RARB: variants seen among roughly 807,000 people sequenced by gnomAD.
The protein encoded by RARB is retinoic acid receptor beta.
In RARB, 17 loss-of-function variants were observed where a neutral mutation model predicts 51.9. The ratio of observed to expected loss-of-function variants is 0.33; its 90% CI spans 0.22 to 0.49. RARB has a LOEUF of 0.49. Among genes scored for constraint, RARB ranks in the 20% least tolerant of loss-of-function variants. The probability of loss-of-function intolerance (pLI) is 0.99; values close to 1 mark genes in which losing one functional copy is unlikely to be tolerated. For missense variants in RARB, 369 were observed against 550.8 expected (o/e 0.67, Z 3.30); for synonymous variants, 215 against 195.4 (o/e 1.10, Z -0.84).
intron 2 of RARB, among the ~76,000 whole-genome samples, chr3:24,977,951 T>G (rs1479879992): frequency 3.9e-5 from 6 of 152,214 alleles, no homozygotes; most frequent in African/African-American, 7.2e-5. Context: ...TTATTGAGAA[T>G]TTTTAGCATG....
intron 2 of RARB, among the ~76,000 whole-genome samples, chr3:25,007,329 C>T (rs540821128): frequency 6.6e-6 from 1 of 152,028 alleles, no homozygotes; most frequent in Admixed American, 6.6e-5. Flanking sequence ...TGCTAGCTAC[C>T]AAAACCACAC....
intron 5 of RARB, among the ~76,000 whole-genome samples, chr3:25,323,435 A>G (rs894477464): frequency 6.6e-6 from 1 of 152,236 alleles, no homozygotes; most frequent in Non-Finnish European, 1.5e-5. Flanking sequence ...GTGCCCTAAC[A>G]TTCATACGCA....
chr3:24,878,256 A>G (rs1703087048), intron 2 of RARB, among the ~76,000 whole-genome samples: 1 of 146,526 alleles, frequency 6.8e-6, no homozygotes, highest in Non-Finnish European at 1.5e-5. Context: ...CTCTTCCATC[A>G]TTTTTTTAAA....
chr3:25,304,551 C>G (rs1246292341), intron 5 of RARB, among the ~76,000 whole-genome samples: 1 of 151,468 alleles, frequency 6.6e-6, no homozygotes, highest in Non-Finnish European at 1.5e-5. Flanking sequence ...TAATCTTTGA[C>G]TCTTCTTTCA....
chr3:25,146,499 GTTTGTTTGTTTGTTT>G lies in RARB; in HGVS notation c.-280+14295_-280+14309del, dbSNP rs1254039700. ...CAGGCTATAATTTGCTAAGTTTTTT[GTTTGTTTGTTTGTTT>G]TTTTTTTTTTGAGACAAGAGTCTCG... On this transcript the variant is annotated intron_variant, in intron 4 of 11. Transcript: ENST00000383772. 2.9e-5 allele frequency among the ~76,000 whole-genome samples: 3 copies of G among 104,384 alleles called. 1 individual carries two copies. The highest frequency in any genetic ancestry group is 1.2e-4 in the Admixed American group (1 of 8,516). 68.5% of individuals were successfully genotyped at this position (104,384 alleles called of 152,430 possible). A position where few individuals can be genotyped will look rare whatever the true frequency, so the allele number is the denominator to read the frequency against.
intron 5 of RARB, among the ~76,000 whole-genome samples, chr3:25,316,752 C>A (rs920379804): frequency 1.3e-5 from 2 of 152,198 alleles, no homozygotes; most frequent in Non-Finnish European, 2.9e-5. Context: ...ACAAATATGA[C>A]AATGACGAGA....
chr3:25,191,069 G>A (rs1272482628), intron 5 of RARB, among the ~76,000 whole-genome samples: 1 of 152,118 alleles, frequency 6.6e-6, no homozygotes, highest in Non-Finnish European at 1.5e-5. Flanking sequence ...GTTATTGGGA[G>A]GCTGTCAGCA....
At chr3:25,323,601 T>C (rs1208662832) in intron 5 of RARB, among the ~76,000 whole-genome samples, 5 of 152,216 alleles carry the variant, frequency 3.3e-5, no homozygotes, top group African/African-American at 1.2e-4. Flanking sequence ...CTTTGGCTTG[T>C]ATATTTCATC....
chr3:25,136,060 C>G (rs929581027), intron 4 of RARB, among the ~76,000 whole-genome samples: 2 of 151,982 alleles, frequency 1.3e-5, no homozygotes, highest in African/African-American at 4.8e-5. Context: ...CTTCTTGGGT[C>G]TAGCAGCACT....
At chr3:25,130,929 C>CAATATT (rs1646174758) in intron 3 of RARB, among the ~76,000 whole-genome samples, 3 of 29,966 alleles carry the variant, frequency 1.0e-4, no homozygotes, top group Non-Finnish European at 2.0e-4. Flanking sequence ...CAATATTTAT[C>CAATATT]ATTGATAATA....
At chr3:25,042,283 T>C (rs1698129492) in intron 2 of RARB, among the ~76,000 whole-genome samples, 1 of 152,238 alleles carries the variant, frequency 6.6e-6, no homozygotes, top group Non-Finnish European at 1.5e-5. Flanking sequence ...GGTCTACTAA[T>C]TAAACAGATA....
At chr3:25,090,266 G>A (rs2125316482) in intron 3 of RARB, among the ~76,000 whole-genome samples, 1 of 152,068 alleles carries the variant, frequency 6.6e-6, no homozygotes, top group South Asian at 2.1e-4. Context: ...TAAGTTCTTG[G>A]GAAAAATAAG....
chr3:25,380,295 C>T (rs1706586950), intron 5 of RARB, among the ~76,000 whole-genome samples: 2 of 152,146 alleles, frequency 1.3e-5, no homozygotes, highest in Non-Finnish European at 1.5e-5. Flanking sequence ...ATCCTCTTTC[C>T]CACTCCGTAC....
At chr3:25,345,478 A>G (rs1283857426) in intron 5 of RARB, among the ~76,000 whole-genome samples, 4 of 152,058 alleles carry the variant, frequency 2.6e-5, no homozygotes, top group African/African-American at 9.7e-5. Flanking sequence ...CAGCCTGGCC[A>G]ATATGGTGAA....
At chr3:25,187,737 G>A (rs1270366504) in intron 5 of RARB, among the ~76,000 whole-genome samples, 1 of 152,032 alleles carries the variant, frequency 6.6e-6, no homozygotes, top group Non-Finnish European at 1.5e-5. Context: ...CTCAGATACA[G>A]CCTTGTTGTG....
At position 24,919,193 on chromosome 3, in the gene RARB, G is replaced by A. The variant is rs142457327; in HGVS notation, c.-380+60441G>A. Among the ~76,000 whole-genome samples, 855 of 152,292 alleles carry A rather than the reference G, an allele frequency of 5.6e-3. 4 individuals are homozygous for A. The highest frequency in any genetic ancestry group is 0.024 in the Middle Eastern group (7 of 294). The stretch of plus-strand genomic sequence containing the variant: ...CTACTACTATGATAATAATGATCTA[G>A]AGGCATTGACCATAATATTTCACTA... On this transcript the variant is annotated intron_variant, in intron 2 of 11. Transcript: ENST00000383772.
At chr3:24,886,121 C>A (rs1703261198) in intron 2 of RARB, among the ~76,000 whole-genome samples, 1 of 152,140 alleles carries the variant, frequency 6.6e-6, no homozygotes, top group East Asian at 1.9e-4. Context: ...GTAGAATATT[C>A]CCTGCTAACC....
chr3:24,928,454 C>T (rs1208936910), intron 2 of RARB, among the ~76,000 whole-genome samples: 2 of 151,966 alleles, frequency 1.3e-5, no homozygotes, highest in African/African-American at 2.4e-5. Flanking sequence ...ACTCTACCTC[C>T]TGAAATGTGT....
chr3:25,511,057 G>T (rs1264888961), intron 3 of RARB, among the ~76,000 whole-genome samples: 1 of 152,158 alleles, frequency 6.6e-6, no homozygotes, highest in Non-Finnish European at 1.5e-5. Context: ...TCACAATTGA[G>T]CATGGCTTTG....
Sources: gnomAD v4.1 joint callset for allele counts (sites outside exome capture counted in the v4.1 genomes callset) on GRCh38, gnomAD v4.1.1 for gene constraint, MANE v1.5 for transcripts, NCBI Gene and HGNC (gene_info 2026-07-23, HGNC 2026-07-21) for gene names.